The following SLC9A9 variants were observed in gnomAD, a reference collection of about 807,000 sequenced individuals.
SLC9A9 encodes the protein sodium/hydrogen exchanger 9.
Under a neutral mutation model 77.8 loss-of-function variants are expected in SLC9A9, and 62 were observed. The observed-to-expected ratio is 0.80, with a 90% confidence interval of 0.65 to 0.98. The LOEUF (loss-of-function observed/expected upper bound fraction) is 0.98. Ranked by LOEUF, SLC9A9 falls within the 50% of genes least tolerant of loss-of-function variation. The pLI, the probability that SLC9A9 is intolerant of heterozygous loss-of-function variation, is 0.00. For synonymous variants in SLC9A9, 320 were observed against 283.5 expected, an observed-to-expected ratio of 1.13 and a Z score of -1.29; for missense variants, 775 against 774.9, an observed-to-expected ratio of 1.00 and a Z score of 0.00.
chr3:143,517,288 A>G (rs2036217836), intron 9 of SLC9A9: 5 of 1,264,408 alleles, frequency 4.0e-6, no homozygotes, highest in Non-Finnish European at 5.7e-6. Flanking sequence ...TAAGAATTTC[A>G]TTGAGTCCAG....
chr3:143,503,566 G>A, intron 9 of SLC9A9: 1 of 413,180 alleles, frequency 2.4e-6, no homozygotes, highest in South Asian at 1.8e-5. Context: ...GATGTTGGCA[G>A]TGGGAACATG....
At chr3:143,639,228 C>T (rs2038581017) in intron 6 of SLC9A9, among the ~76,000 whole-genome samples, 1 of 152,194 alleles carries the variant, frequency 6.6e-6, no homozygotes, top group Admixed American at 6.5e-5. Context: ...ACTTCTGACC[C>T]AAAAGCTTAG....
chr3:143,703,428 A>G (rs1429801225), intron 4 of SLC9A9, among the ~76,000 whole-genome samples: 2 of 152,132 alleles, frequency 1.3e-5, no homozygotes, highest in African/African-American at 4.8e-5. Context: ...TGGAAACTAT[A>G]CAAACACATG....
intron 14 of SLC9A9, among the ~76,000 whole-genome samples, chr3:143,285,715 C>T (rs759052748): frequency 3.9e-5 from 6 of 152,100 alleles, no homozygotes; most frequent in African/African-American, 9.7e-5. Flanking sequence ...TCATGGGGCT[C>T]GGATTGGTTG....
chr3:143,375,989 C>T (rs551024406), intron 13 of SLC9A9, among the ~76,000 whole-genome samples: 2 of 152,244 alleles, frequency 1.3e-5, no homozygotes, highest in South Asian at 4.1e-4. Flanking sequence ...TAAAGACTGG[C>T]TGGCAACTCA....
intron 4 of SLC9A9, among the ~76,000 whole-genome samples, chr3:143,731,903 A>C (rs1395274407): frequency 6.6e-6 from 1 of 152,180 alleles, no homozygotes; most frequent in African/African-American, 2.4e-5. Context: ...ACATCACTTG[A>C]AATTGTGCTC....
At chr3:143,411,785 TG>T (rs2034100610) in intron 12 of SLC9A9, among the ~76,000 whole-genome samples, 1 of 152,170 alleles carries the variant, frequency 6.6e-6, no homozygotes, top group Admixed American at 6.5e-5. Flanking sequence ...AATTTTTAAT[TG>T]TTTTTTTCAT....
intron 4 of SLC9A9, among the ~76,000 whole-genome samples, chr3:143,694,739 G>T (rs1166132655): frequency 6.6e-6 from 1 of 152,120 alleles, no homozygotes; most frequent in Non-Finnish European, 1.5e-5. Flanking sequence ...GTATTGCTTA[G>T]ATCAACAGTT....
chr3:143,283,285 G>A (rs1938279427), intron 14 of SLC9A9, among the ~76,000 whole-genome samples: 1 of 152,190 alleles, frequency 6.6e-6, no homozygotes, highest in South Asian at 2.1e-4. Context: ...TAGGGACAGG[G>A]GTGTAGGAGA....
intron 2 of SLC9A9, among the ~76,000 whole-genome samples, chr3:143,806,605 T>A (rs541472096): frequency 6.6e-6 from 1 of 152,282 alleles, no homozygotes; most frequent in East Asian, 1.9e-4. Flanking sequence ...TTAAAAATTT[T>A]AAAAAGCCAA....
At chr3:143,830,409 A>C (rs953256126) in intron 2 of SLC9A9, among the ~76,000 whole-genome samples, 5 of 152,234 alleles carry the variant, frequency 3.3e-5, no homozygotes, top group Non-Finnish European at 5.9e-5. Context: ...CCAGCAACTT[A>C]GACGTTTTCT....
At chr3:143,674,533 C>G (rs939681933) in intron 5 of SLC9A9, among the ~76,000 whole-genome samples, 6 of 152,080 alleles carry the variant, frequency 3.9e-5, no homozygotes, top group African/African-American at 1.4e-4. Context: ...GAAACCGGTG[C>G]GCCCCAGAAT....
intron 11 of SLC9A9, among the ~76,000 whole-genome samples, chr3:143,477,330 A>T (rs1488555036): frequency 6.0e-5 from 6 of 100,000 alleles, no homozygotes; most frequent in Admixed American, 1.1e-4. Flanking sequence ...GGCTTCTTCA[A>T]TTTTTTTTTT....
At chr3:143,364,632 A>G (rs2032849612) in intron 13 of SLC9A9, among the ~76,000 whole-genome samples, 2 of 152,182 alleles carry the variant, frequency 1.3e-5, no homozygotes, top group African/African-American at 4.8e-5. Context: ...CTGGACACAA[A>G]AGGCTGTGTT....
chr3:143,279,913 G>A (rs1240020427), intron 14 of SLC9A9, among the ~76,000 whole-genome samples: 6 of 152,116 alleles, frequency 3.9e-5, no homozygotes, highest in Admixed American at 3.9e-4. Flanking sequence ...TCGACCTCCT[G>A]AGCTCAAGCA....
chr3:143,818,660 C>A (rs1194622730), intron 2 of SLC9A9, among the ~76,000 whole-genome samples: 1 of 151,690 alleles, frequency 6.6e-6, no homozygotes, highest in Non-Finnish European at 1.5e-5. Context: ...CAGAATCAGG[C>A]AGGTGAGCAA....
At chr3:143,526,443 G>A (rs889385741) in intron 9 of SLC9A9, among the ~76,000 whole-genome samples, 1 of 152,144 alleles carries the variant, frequency 6.6e-6, no homozygotes, top group African/African-American at 2.4e-5. Flanking sequence ...TATTTTTAAT[G>A]CAACTCCAAG....
rs534139654 is a variant in SLC9A9 at position 143,848,238 on chromosome 3, A to C, written c.85T>G (p.Phe29Val). The C allele has an allele frequency of 8.1e-6, 13 of 1,613,968 alleles. No homozygotes were observed. The highest frequency in any genetic ancestry group is 1.1e-5 in the Non-Finnish European group (13 of 1,179,926). The part of the protein sequence containing the change: ...QGAVELLVFN[F>V]LLILTILTIW... ...GTCAAAATGGTAAGGATGAGCAAAAAATTGAAGACAAGCAGCTCCACCGCT... is the reference window on the plus strand; with the variant it reads ...GTCAAAATGGTAAGGATGAGCAAAACATTGAAGACAAGCAGCTCCACCGCT... Residue 29 changes from phenylalanine to valine, a missense_variant, in exon 1 of 16, where the codon TTT becomes GTT. Transcript: ENST00000316549.
intron 9 of SLC9A9, among the ~76,000 whole-genome samples, chr3:143,508,531 T>C (rs994657073): frequency 2.6e-5 from 4 of 152,324 alleles, no homozygotes; most frequent in African/African-American, 9.6e-5. Flanking sequence ...GCTTACTTGT[T>C]TTATGTTATG....
Sources: allele counts gnomAD v4.1 joint callset (sites outside exome capture counted in the v4.1 genomes callset), GRCh38; gene constraint gnomAD v4.1.1; transcripts MANE v1.5; gene names NCBI Gene and HGNC (gene_info 2026-07-23, HGNC 2026-07-21).